Variants in PYGO1 observed in about 807,000 individuals in gnomAD.
The protein encoded by PYGO1 is pygopus family PHD finger 1.
PYGO1 carries 6 observed loss-of-function variants against 29.5 expected under a neutral mutation model. That is an observed-to-expected ratio of 0.20 (90% CI 0.11 to 0.40). PYGO1 has a LOEUF of 0.40. PYGO1 is among the 10% of genes least tolerant of loss of function. PYGO1 has a pLI of 1.00. For missense variants in PYGO1, 515 were observed against 514.9 expected (o/e 1.00, Z 0.00); for synonymous variants, 186 against 180.5 (o/e 1.03, Z -0.24).
rs1408855357 is a variant in PYGO1, at chr15:55,539,810, A to C, written c.*6213T>G. Reference sequence around the variant, plus strand: ...ATATACCATAACCATGCCGAATATGATGCAGTATAGAGATATCATTAACAT... The same window carrying C: ...ATATACCATAACCATGCCGAATATGCTGCAGTATAGAGATATCATTAACAT... On this transcript the variant is annotated 3_prime_UTR_variant, in exon 3 of 3. Coordinates refer to ENST00000563719, the MANE Select transcript of PYGO1 (RefSeq NM_001367806.1). The C allele has an allele frequency of 6.6e-6, 1 of 152,102 alleles. No homozygotes were observed. Among genetic ancestry groups the C allele is most frequent in the Non-Finnish European group, 1.5e-5 (1 of 67,924 alleles). 9.4% of individuals were successfully genotyped at this position (152,102 alleles called of 1,614,324 possible).
intron 1 of PYGO1, among the ~76,000 whole-genome samples, chr15:55,549,704 T>C (rs900785179): frequency 6.6e-6 from 1 of 152,204 alleles, no homozygotes; most frequent in African/African-American, 2.4e-5. Context: ...AAATATTGCT[T>C]TCTCAACAGT....
At position 55,576,110 on chromosome 15, in the gene PYGO1, G is replaced by C. The variant is rs114410678; in HGVS notation, c.49+11725C>G. ...TTGATTTACATTTCAAGTCCCATCA[G>C]CCAGAAACTATCATTACTATTAACA... On this transcript the variant is annotated intron_variant, in intron 1 of 2. Transcript: ENST00000563719. 5.6e-3 allele frequency among the ~76,000 whole-genome samples: 845 copies of C among 152,236 alleles called. 10 individuals are homozygous for C. Among genetic ancestry groups the C allele is most frequent in the African/African-American group, 0.019 (800 of 41,536 alleles).
In PYGO1 at chr15:55,546,154, T is replaced by C. The variant is rs754244655; in HGVS notation, c.1129A>G (p.Thr377Ala). The C allele has an allele frequency of 3.7e-6, 6 of 1,614,068 alleles. No individual in the cohort carries two copies. Among genetic ancestry groups the C allele is most frequent in the Non-Finnish European group, 8.5e-7 (1 of 1,180,040 alleles). The stretch of plus-strand genomic sequence containing the variant: ...TCTGCAGTTAAGAGGCCATAAGCTG[T>C]TTCAGTCATTCCAGTACAGATCCGA... ...FHRICTGMTE[T>A]AYGLLTAEAS... The change falls in exon 3 of 3, where the codon ACA becomes GCA. Residue 377 changes from threonine to alanine, a missense_variant. By Grantham distance (58) the Thr-to-Ala change is moderately conservative. Coordinates refer to ENST00000563719, the MANE Select transcript of PYGO1 (RefSeq NM_001367806.1).
At chr15:55,555,878 T>C (rs2058902650) in intron 1 of PYGO1, among the ~76,000 whole-genome samples, 1 of 151,992 alleles carries the variant, frequency 6.6e-6, no homozygotes, top group Non-Finnish European at 1.5e-5. Flanking sequence ...GGGGTTGCAA[T>C]ACTAGTTTGT....
At position 55,545,448 on chromosome 15, in the gene PYGO1, G is replaced by C. The variant is rs186717346; in HGVS notation, c.*575C>G. 6.6e-6 allele frequency: 1 copy of C among 152,108 alleles called. No individual in the cohort carries two copies. The highest frequency in any genetic ancestry group is 6.6e-5 in the Admixed American group (1 of 15,258). 9.4% of individuals were successfully genotyped at this position (152,108 alleles called of 1,614,324 possible). On this transcript the variant is annotated 3_prime_UTR_variant, in exon 3 of 3. Transcript: ENST00000563719. Reference sequence around the variant, plus strand: ...TTTACTATATGCTAAGATCTGTCTCGTATCTGTACAAACAGATATCCTGAA... The same window carrying C: ...TTTACTATATGCTAAGATCTGTCTCCTATCTGTACAAACAGATATCCTGAA...
intron 1 of PYGO1, among the ~76,000 whole-genome samples, chr15:55,574,259 A>G (rs2058992062): frequency 6.6e-6 from 1 of 152,080 alleles, no homozygotes; most frequent in Admixed American, 6.5e-5. Context: ...TACTTGCAAC[A>G]TTTGACCTCA....
upstream of PYGO1, among the ~76,000 whole-genome samples, chr15:55,588,513 G>C (rs2059060402): frequency 6.8e-6 from 1 of 147,240 alleles, no homozygotes; most frequent in Admixed American, 6.7e-5. Context: ...CACCGCCGCC[G>C]CCTCGCGCTC....
At position 55,547,041 on chromosome 15, in the gene PYGO1, T is replaced by G. The variant is rs1355631791; in HGVS notation, c.242A>C (p.Tyr81Ser). ...PFDDNYNTISYKPLPSSNPYL... is the reference protein window; with the variant it reads ...PFDDNYNTISSKPLPSSNPYL... The stretch of plus-strand genomic sequence containing the variant: ...TGGATTTGACGAAGGTAGTGGTTTA[T>G]AGGAAATAGTATTATAGTTGTCATC... The change falls in exon 3 of 3, where the codon TAT becomes TCT. Residue 81 changes from tyrosine to serine, a missense_variant. By Grantham distance (144) the Tyr-to-Ser change is moderately radical (BLOSUM62 -2). Coordinates refer to ENST00000563719, the MANE Select transcript of PYGO1 (RefSeq NM_001367806.1). The G allele has an allele frequency of 6.2e-7, 1 of 1,613,704 alleles. No homozygotes were observed. The highest frequency in any genetic ancestry group is 8.5e-7 in the Non-Finnish European group (1 of 1,179,768).
Position 55,588,209 on chromosome 15 carries a change from C to T in PYGO1, c.-326G>A. 4.6e-6 allele frequency: 1 copy of T among 219,682 alleles called. No individual in the cohort carries two copies. Among genetic ancestry groups the T allele is most frequent in the Non-Finnish European group, 7.6e-6 (1 of 132,004 alleles). The allele number at this position is 219,682 out of a possible 1,614,324, so 13.6% of individuals were successfully genotyped here. ...CGCCGCCGCCGCCGCCGCCTCCTCC[C>T]ACTCCTTCTTCTTCGCCGCCGCCTC... On this transcript the variant is annotated 5_prime_UTR_variant, in exon 1 of 3. Transcript: ENST00000563719.
chr15:55,559,723 G>C (rs1300122188), intron 1 of PYGO1, among the ~76,000 whole-genome samples: 1 of 152,128 alleles, frequency 6.6e-6, no homozygotes, highest in Admixed American at 6.5e-5. Flanking sequence ...AAACCTGGCA[G>C]AGATAAAACA....
At chr15:55,583,935 G>C (rs767424328) in intron 1 of PYGO1, among the ~76,000 whole-genome samples, 1 of 152,116 alleles carries the variant, frequency 6.6e-6, no homozygotes, top group South Asian at 2.1e-4. Context: ...CATCACTTAA[G>C]ACAAAAGAAC....
chr15:55,564,688 T>G (rs527344563), intron 1 of PYGO1, among the ~76,000 whole-genome samples: 1 of 152,310 alleles, frequency 6.6e-6, no homozygotes, highest in South Asian at 2.1e-4. Context: ...AAATGTATAC[T>G]CTAAGATAGT....
At chr15:55,572,047 C>T (rs979946570) in intron 1 of PYGO1, among the ~76,000 whole-genome samples, 3 of 152,028 alleles carry the variant, frequency 2.0e-5, no homozygotes, top group Non-Finnish European at 4.4e-5. Flanking sequence ...ATTCCAAGGG[C>T]ATCTTCCACA....
intron 1 of PYGO1, among the ~76,000 whole-genome samples, chr15:55,582,910 A>T (rs2059031231): frequency 6.6e-6 from 1 of 152,120 alleles, no homozygotes; most frequent in Non-Finnish European, 1.5e-5. Flanking sequence ...AATCCTCTAT[A>T]TTCATCCCAT....
intron 1 of PYGO1, among the ~76,000 whole-genome samples, 167 bp downstream of exon 1, chr15:55,587,668 C>A (rs939235545): frequency 3.3e-5 from 5 of 151,874 alleles, no homozygotes; most frequent in African/African-American, 1.2e-4. Context: ...CCAGCGGGCG[C>A]CCGGGCCGCG....
chr15:55,583,714 C>G (rs1243253018), intron 1 of PYGO1, among the ~76,000 whole-genome samples: 1 of 152,086 alleles, frequency 6.6e-6, no homozygotes, highest in Non-Finnish European at 1.5e-5. Flanking sequence ...CCATATGTTG[C>G]CCAGGCTGGT....
chr15:55,566,594 T>C (rs1567056383), intron 1 of PYGO1, among the ~76,000 whole-genome samples: 1 of 152,160 alleles, frequency 6.6e-6, no homozygotes, highest in Non-Finnish European at 1.5e-5. Flanking sequence ...ATATATCCAG[T>C]AAGGGGATAG....
chr15:55,572,288 A>G (rs1393423223), intron 1 of PYGO1, among the ~76,000 whole-genome samples: 3 of 152,240 alleles, frequency 2.0e-5, no homozygotes, highest in Non-Finnish European at 4.4e-5. Flanking sequence ...CCAAGAGTAC[A>G]AAATGGAGAA....
chr15:55,549,894 T>A (rs904019004), intron 1 of PYGO1, among the ~76,000 whole-genome samples: 5 of 152,248 alleles, frequency 3.3e-5, no homozygotes, highest in African/African-American at 9.6e-5. Context: ...AACCATCACA[T>A]CTCATCTTGT....
Sources: gnomAD v4.1 joint callset for allele counts (sites outside exome capture counted in the v4.1 genomes callset) on GRCh38, gnomAD v4.1.1 for gene constraint, MANE v1.5 for transcripts, NCBI Gene and HGNC (gene_info 2026-07-23, HGNC 2026-07-21) for gene names.